The following RXFP2 variants were observed in gnomAD, a reference collection of about 807,000 sequenced individuals.
RXFP2 encodes relaxin receptor 2.
Under a neutral mutation model 88.6 loss-of-function variants are expected in RXFP2, and 68 were observed. The ratio of observed to expected loss-of-function variants is 0.77; its 90% CI spans 0.63 to 0.94. The LOEUF (loss-of-function observed/expected upper bound fraction) is 0.94, where lower values mean the gene tolerates loss of function less well. RXFP2 is among the 40% of genes least tolerant of loss of function. The pLI, the probability that RXFP2 is intolerant of heterozygous loss-of-function variation, is 0.00. For missense variants in RXFP2, 791 were observed against 893.9 expected, an observed-to-expected ratio of 0.88 and a Z score of 1.47; for synonymous variants, 329 against 306.8, an observed-to-expected ratio of 1.07 and a Z score of -0.76.
At chr13:31,778,852 C>T (rs1470061957) in intron 9 of RXFP2, among the ~76,000 whole-genome samples, 3 of 152,146 alleles carry the variant, frequency 2.0e-5, no homozygotes, top group African/African-American at 7.2e-5. Context: ...ATGTATCAAA[C>T]TACTACTCCT....
At chr13:31,767,021 GTT>G (rs1872576511) in intron 5 of RXFP2, among the ~76,000 whole-genome samples, 1 of 152,122 alleles carries the variant, frequency 6.6e-6, no homozygotes, top group Admixed American at 6.5e-5. Context: ...TCATCTTATT[GTT>G]TTATCCTTCA....
chr13:31,792,998 T>C lies in RXFP2; in HGVS notation c.1696T>C (p.Phe566Leu). The C allele has an allele frequency of 6.2e-7, 1 of 1,614,028 alleles. No homozygotes were observed. Among genetic ancestry groups the C allele is most frequent in the Non-Finnish European group, 8.5e-7 (1 of 1,179,884 alleles). The change falls in exon 16 of 18, where the codon TTT (phenylalanine) becomes CTT (leucine). Residue 566 changes from phenylalanine to leucine, a missense_variant. Physicochemically the swap from Phe to Leu is conservative, Grantham distance 22. Transcript: ENST00000298386. ...TTGGAATAAGGATTATTTTGGAAACTTTTATGGGAAAAATGGAGTATGTTT... is the reference window on the plus strand; with the variant it reads ...TTGGAATAAGGATTATTTTGGAAACCTTTATGGGAAAAATGGAGTATGTTT... ...PFWNKDYFGN[F>L]YGKNGVCFPL...
At chr13:31,778,718 A>G in intron 9 of RXFP2, 135 bp downstream of exon 9, 1 of 777,364 alleles carries the variant, frequency 1.3e-6, no homozygotes, top group South Asian at 1.4e-5. Flanking sequence ...TTACCTTCCC[A>G]GTTTCAAAAT....
At chr13:31,770,304 C>T (rs1872690825) in intron 5 of RXFP2, among the ~76,000 whole-genome samples, 2 of 152,204 alleles carry the variant, frequency 1.3e-5, no homozygotes. Context: ...GAACTTAAGA[C>T]TACATTTGCC....
Position 31,803,193 on chromosome 13 carries a change from A to T in RXFP2, c.*788A>T, listed in dbSNP as rs1593478111. ...TATTGCTGGCAAGTTCTGCTTTCAT[A>T]AAATATGCAGATAAGAAGTGTTAAA... On this transcript the variant is annotated 3_prime_UTR_variant, in exon 18 of 18. Coordinates refer to ENST00000298386, the MANE Select transcript of RXFP2 (RefSeq NM_130806.5). The T allele has an allele frequency of 6.6e-6, 1 of 152,230 alleles. No individual in the cohort carries two copies. The highest frequency in any genetic ancestry group is 2.4e-5 in the African/African-American group (1 of 41,446). 9.4% of individuals were successfully genotyped at this position (152,230 alleles called of 1,614,324 possible).
intron 7 of RXFP2, among the ~76,000 whole-genome samples, chr13:31,776,119 T>C (rs1020777141): frequency 4.7e-5 from 7 of 148,958 alleles, no homozygotes; most frequent in Admixed American, 3.4e-4. Context: ...TCTTTCTTTC[T>C]TTCTTTCTTT....
At chr13:31,748,782 C>G (rs1275082085) in intron 1 of RXFP2, among the ~76,000 whole-genome samples, 2 of 152,020 alleles carry the variant, frequency 1.3e-5, no homozygotes, top group Admixed American at 6.6e-5. Flanking sequence ...GTCAGGAGAT[C>G]GAGACCTACC....
In RXFP2 at chr13:31,759,225, A is replaced by T. The variant is rs1318778559; in HGVS notation, c.241+821A>T. ...GTTCACATGGGTAATGTGAACTAAGATGATGATAAACCTGTATGTAAAAAA... is the reference window on the plus strand; with the variant it reads ...GTTCACATGGGTAATGTGAACTAAGTTGATGATAAACCTGTATGTAAAAAA... On this transcript the variant is annotated intron_variant, in intron 2 of 17. Transcript: ENST00000298386. Among the ~76,000 whole-genome samples the T allele has an allele frequency of 2.0e-5, 3 of 151,604 alleles. No homozygotes were observed. In the East Asian group the frequency reaches 5.8e-4, roughly 29 times the overall value.
chr13:31,740,568 G>C (rs916911981), intron 1 of RXFP2, among the ~76,000 whole-genome samples: 8 of 151,690 alleles, frequency 5.3e-5, no homozygotes, highest in Admixed American at 5.3e-4. Context: ...TAAATATTCA[G>C]TTTTATTAGG....
intron 5 of RXFP2, among the ~76,000 whole-genome samples, chr13:31,766,514 A>T (rs1359760120): frequency 6.6e-6 from 1 of 152,196 alleles, no homozygotes; most frequent in African/African-American, 2.4e-5. Context: ...AATAAATAGG[A>T]TATGATCAGC....
intron 1 of RXFP2, among the ~76,000 whole-genome samples, chr13:31,750,947 G>A (rs577965221): frequency 2.6e-5 from 4 of 152,280 alleles, no homozygotes; most frequent in African/African-American, 7.2e-5. Context: ...GATTTAGGTT[G>A]GTTGACTCGT....
chr13:31,788,201 T>C (rs1455470092), intron 13 of RXFP2, among the ~76,000 whole-genome samples: 1 of 151,412 alleles, frequency 6.6e-6, no homozygotes, highest in Non-Finnish European at 1.5e-5. Flanking sequence ...AGAGGGGCCA[T>C]GCAATTACTC....
At chr13:31,762,694 C>T (rs1872357086) in intron 3 of RXFP2, among the ~76,000 whole-genome samples, 1 of 151,798 alleles carries the variant, frequency 6.6e-6, no homozygotes, top group Non-Finnish European at 1.5e-5. Flanking sequence ...ATTTTATGTA[C>T]TCTATAATAC....
At chr13:31,764,497 C>A (rs1000794152) in intron 3 of RXFP2, among the ~76,000 whole-genome samples, 1 of 152,086 alleles carries the variant, frequency 6.6e-6, no homozygotes, top group Non-Finnish European at 1.5e-5. Context: ...TAATAAAAAA[C>A]AAAGAACCAA....
chr13:31,765,466 C>T (rs79444055), intron 4 of RXFP2, among the ~76,000 whole-genome samples: 1,547 of 151,938 alleles, frequency 0.01, 6 homozygotes, highest in Middle Eastern at 0.031. Flanking sequence ...AGCACACTCA[C>T]TTATTCTACG....
chr13:31,747,560 T>C (rs772854823), intron 1 of RXFP2, among the ~76,000 whole-genome samples: 8 of 152,234 alleles, frequency 5.3e-5, no homozygotes, highest in Non-Finnish European at 1.0e-4. Flanking sequence ...TTTAGGTCTT[T>C]GTGGCTCACT....
chr13:31,781,588 C>T (rs1195079874), intron 9 of RXFP2, 83 bp from the exon 10 acceptor site: 6 of 992,528 alleles, frequency 6.0e-6, no homozygotes, highest in Non-Finnish European at 9.3e-6. Context: ...TAAAAATAAA[C>T]TTGATAACCA....
intron 1 of RXFP2, among the ~76,000 whole-genome samples, chr13:31,752,114 C>T (rs905919658): frequency 6.6e-6 from 1 of 152,154 alleles, no homozygotes; most frequent in African/African-American, 2.4e-5. Context: ...GACATCCATC[C>T]CTGGTAAGGA....
At chr13:31,792,212 T>G (rs1321903534) in intron 15 of RXFP2, among the ~76,000 whole-genome samples, 177 bp downstream of exon 15, 1 of 152,222 alleles carries the variant, frequency 6.6e-6, no homozygotes, top group Non-Finnish European at 1.5e-5. Context: ...TTTTAGGTTG[T>G]ATGACCTTAC....
Sources: gnomAD v4.1 joint callset for allele counts (sites outside exome capture counted in the v4.1 genomes callset) on GRCh38, gnomAD v4.1.1 for gene constraint, MANE v1.5 for transcripts, NCBI Gene and HGNC (gene_info 2026-07-23, HGNC 2026-07-21) for gene names.